Variants in MED26 observed in about 807,000 individuals in gnomAD.
The protein encoded by MED26 is mediator of RNA polymerase II transcription subunit 26.
MED26 carries 7 observed loss-of-function variants against 43.7 expected under a neutral mutation model. The observed-to-expected ratio is 0.16, with a 90% confidence interval of 0.09 to 0.30. MED26 has a LOEUF of 0.30. Among genes scored for constraint, MED26 ranks in the 10% least tolerant of loss-of-function variants. MED26 has a pLI of 1.00. For missense variants in MED26, 784 were observed against 840.6 expected, an observed-to-expected ratio of 0.93 and a Z score of 0.83; for synonymous variants, 375 against 371.1, an observed-to-expected ratio of 1.01 and a Z score of -0.12.
In MED26 at chr19:16,613,733, T is replaced by C. The variant is rs117081794; in HGVS notation, c.72+14139A>G. On this transcript the variant is annotated intron_variant, in intron 1 of 2. Transcript: ENST00000263390. Reference sequence around the variant, plus strand: ...AAATGGGATAATTCTTAGCACAGAGTGAGCACACAGTAAGAGTTGATGCTG... The same window carrying C: ...AAATGGGATAATTCTTAGCACAGAGCGAGCACACAGTAAGAGTTGATGCTG... Among the ~76,000 whole-genome samples the C allele has an allele frequency of 7.9e-3, 1,197 of 152,274 alleles. 15 individuals are homozygous for C. The highest frequency in any genetic ancestry group is 0.013 in the Non-Finnish European group (890 of 68,012).
chr19:16,592,375 C>T (rs954956765), intron 1 of MED26, among the ~76,000 whole-genome samples: 10 of 152,224 alleles, frequency 6.6e-5, no homozygotes, highest in African/African-American at 2.2e-4. Flanking sequence ...GAGAAAGCCT[C>T]TCCCGATGGT....
At chr19:16,600,544 C>A (rs1423793340) in intron 1 of MED26, among the ~76,000 whole-genome samples, 1 of 152,144 alleles carries the variant, frequency 6.6e-6, no homozygotes, top group South Asian at 2.1e-4. Flanking sequence ...GAAGCCTCAA[C>A]CTCACTTTCT....
rs1335444535 is a variant in MED26, at chr19:16,625,894, T to G, written c.72+1978A>C. ...ATAGTCAAGAAGATAACTTCCCAAA[T>G]CCATCCACCCCATGTTAGTAGGACT... On this transcript the variant is annotated intron_variant, in intron 1 of 2. Transcript: ENST00000263390. 2.6e-5 allele frequency among the ~76,000 whole-genome samples: 4 copies of G among 152,084 alleles called. No homozygotes were observed. In the East Asian group the frequency reaches 7.7e-4, roughly 29 times the overall value.
chr19:16,600,082 A>AGCCCAG (rs1055609202), intron 1 of MED26, among the ~76,000 whole-genome samples: 19 of 152,272 alleles, frequency 1.2e-4, no homozygotes, highest in East Asian at 5.8e-4. Context: ...ACAGGCAGCC[A>AGCCCAG]GCCCAGGCCC....
At chr19:16,584,267 GA>G (rs576169701) in intron 1 of MED26, among the ~76,000 whole-genome samples, 325 of 96,700 alleles carry the variant, frequency 3.4e-3, no homozygotes, top group Non-Finnish European at 5.3e-3. Flanking sequence ...AAAAGAAAAA[GA>G]AAAAAAAAAC....
intron 1 of MED26, among the ~76,000 whole-genome samples, chr19:16,623,457 T>C (rs2086260195): frequency 6.6e-6 from 1 of 152,208 alleles, no homozygotes; most frequent in South Asian, 2.1e-4. Flanking sequence ...TTTAAGTTAA[T>C]ATCAAAAGTG....
chr19:16,619,235 T>A (rs1216460543), intron 1 of MED26, among the ~76,000 whole-genome samples: 1 of 152,238 alleles, frequency 6.6e-6, no homozygotes. Flanking sequence ...GGTCTCCCAC[T>A]GACAGCACTG....
chr19:16,585,393 T>C (rs1490265863), intron 1 of MED26, among the ~76,000 whole-genome samples: 2 of 151,856 alleles, frequency 1.3e-5, no homozygotes, highest in African/African-American at 4.8e-5. Flanking sequence ...GGACAGGCCC[T>C]CAAGTGGCCC....
intron 1 of MED26, among the ~76,000 whole-genome samples, chr19:16,599,257 TATCAAA>T (rs2086137211): frequency 6.6e-6 from 1 of 152,168 alleles, no homozygotes; most frequent in African/African-American, 2.4e-5. Context: ...AATGCATAGC[TATCAAA>T]ATAAAACATG....
Position 16,577,316 on chromosome 19 carries a change from G to T in MED26, c.514C>A (p.Pro172Thr). 5.6e-6 allele frequency: 9 copies of T among 1,611,898 alleles called. No homozygotes were observed. The highest frequency in any genetic ancestry group is 7.6e-6 in the Non-Finnish European group (9 of 1,178,882). Residue 172 changes from proline to threonine, a missense_variant, in exon 3 of 3, where the codon CCC (proline) becomes ACC (threonine). Around this residue, in one of 3 missense-constraint regions of MED26, gnomAD observed 719 missense variants for 730.9 expected, o/e 0.98. Coordinates refer to ENST00000263390, the MANE Select transcript of MED26 (RefSeq NM_004831.5). The surrounding 1 kb of genome is among the most constrained non-coding windows in gnomAD (Gnocchi z 8.1). ...AGGGGGGATGAGTTGGGGACCAGGG[G>T]GTCGTGGCTAGCTTTGGAGACCTTG... is the stretch of plus-strand genomic sequence containing the variant. ...PPKVSKASHD[P>T]LVPNSSPLPT...
chr19:16,577,711 T>G lies in MED26; in HGVS notation c.148-29A>C. On this transcript the variant is annotated intron_variant, in intron 2 of 2. Coordinates refer to ENST00000263390, the MANE Select transcript of MED26 (RefSeq NM_004831.5). This position sits in a 1 kb window ranked among gnomAD's most constrained non-coding sequence, Gnocchi z 8.1. Reference sequence around the variant, plus strand: ...CAACCAGAGGGAGATGATGACATACTTTCGGGACAGGAACTTCTCCATGAG... The same window carrying G: ...CAACCAGAGGGAGATGATGACATACGTTCGGGACAGGAACTTCTCCATGAG... 1 of 1,522,078 alleles carries G rather than the reference T, an allele frequency of 6.6e-7. No homozygotes were observed. The allele number at this position is 1,522,078 out of a possible 1,614,324, so 94.3% of individuals were successfully genotyped here.
intron 1 of MED26, chr19:16,624,665 T>C (rs556262305): frequency 4.6e-5 from 7 of 152,364 alleles, no homozygotes; most frequent in African/African-American, 1.4e-4. Flanking sequence ...TTCTACTGAG[T>C]AGCATCTCAA....
At chr19:16,622,844 C>T (rs1409439622) in intron 1 of MED26, among the ~76,000 whole-genome samples, 1 of 152,152 alleles carries the variant, frequency 6.6e-6, no homozygotes, top group Non-Finnish European at 1.5e-5. Flanking sequence ...ACTGGAGTCA[C>T]CTGGAGTCAG....
intron 1 of MED26, among the ~76,000 whole-genome samples, chr19:16,581,641 AC>A (rs2086046053): frequency 6.6e-6 from 1 of 152,202 alleles, no homozygotes; most frequent in African/African-American, 2.4e-5. Context: ...CACCTGGGCA[AC>A]CCCAGGGTCT....
chr19:16,597,087 C>T (rs2086123363), intron 1 of MED26, among the ~76,000 whole-genome samples: 1 of 152,314 alleles, frequency 6.6e-6, no homozygotes, highest in Admixed American at 6.5e-5. Context: ...TGAGCCCGAG[C>T]ATGTCTACCA....
intron 1 of MED26, among the ~76,000 whole-genome samples, chr19:16,623,509 A>G (rs915851007): frequency 6.6e-6 from 1 of 152,232 alleles, no homozygotes; most frequent in African/African-American, 2.4e-5. Context: ...ACACAGATTC[A>G]TGAAAAGTTC....
intron 2 of MED26, 21 bp downstream of exon 2, chr19:16,578,307 CCCAAATG>C: frequency 6.2e-7 from 1 of 1,609,968 alleles, no homozygotes. Flanking sequence ...GTTCTGCCCT[CCCAAATG>C]CTGGGGTCTG....
chr19:16,578,106 A>C, intron 2 of MED26: 1 of 569,862 alleles, frequency 1.8e-6, no homozygotes. Context: ...TGATGTCCCC[A>C]CGTGCCCACG....
Position 16,628,176 on chromosome 19 carries a change from T to C in MED26, c.-233A>G, listed in dbSNP as rs1039610778. ...AGCCGCCGGAGCCGCCGCCGCTCGC[T>C]GCCGCCGCCTCGAGAACCAAACTCC... On this transcript the variant is annotated 5_prime_UTR_variant, in exon 1 of 3. Coordinates refer to ENST00000263390, the MANE Select transcript of MED26 (RefSeq NM_004831.5). The C allele has an allele frequency of 8.5e-6, 3 of 354,446 alleles. No individual in the cohort carries two copies. The highest frequency in any genetic ancestry group is 1.0e-5 in the Non-Finnish European group (2 of 199,852). 22.0% of individuals were successfully genotyped at this position (354,446 alleles called of 1,614,324 possible).
Sources: allele counts gnomAD v4.1 joint callset (sites outside exome capture counted in the v4.1 genomes callset), GRCh38; gene constraint gnomAD v4.1.1; regional missense constraint gnomAD v4.1.1; non-coding constraint Gnocchi (gnomAD v3.1); transcripts MANE v1.5; gene names NCBI Gene and HGNC (gene_info 2026-07-23, HGNC 2026-07-21).